The following JMJD1C variants were observed in gnomAD, a reference collection of about 807,000 sequenced individuals.
JMJD1C encodes jumonji domain containing 1C.
JMJD1C carries 31 observed loss-of-function variants against 245.3 expected under a neutral mutation model. The observed-to-expected ratio is 0.13, with a 90% CI of 0.09 to 0.17. The LOEUF (loss-of-function observed/expected upper bound fraction) is 0.17, where lower values mean the gene tolerates loss of function less well. Among genes scored for constraint, JMJD1C ranks in the 10% least tolerant of loss-of-function variants. The pLI is 1.00. For synonymous variants in JMJD1C, 1,057 were observed against 1,017.4 expected, an observed-to-expected ratio of 1.04 and a Z score of -0.74; for missense variants, 2,691 against 3,000.2, an observed-to-expected ratio of 0.90 and a Z score of 2.41.
intron 2 of JMJD1C, among the ~76,000 whole-genome samples, chr10:63,343,999 C>A (rs1943597613): frequency 6.6e-6 from 1 of 152,120 alleles, no homozygotes; most frequent in African/African-American, 2.4e-5. Context: ...GACAGCAACA[C>A]TACACTCCAG....
intron 1 of JMJD1C, among the ~76,000 whole-genome samples, chr10:63,413,915 G>A (rs1393618156): frequency 6.6e-6 from 1 of 151,068 alleles, no homozygotes; most frequent in Admixed American, 6.6e-5. Context: ...AAGAGTAACT[G>A]ATACTGAAAG....
At chr10:63,336,123 A>C (rs1157134074) in intron 2 of JMJD1C, among the ~76,000 whole-genome samples, 6 of 152,092 alleles carry the variant, frequency 3.9e-5, no homozygotes, top group Non-Finnish European at 8.8e-5. Context: ...CCTGTCTCAA[A>C]AAAAATAAGA....
At chr10:63,310,507 G>A (rs1939030899) in intron 2 of JMJD1C, among the ~76,000 whole-genome samples, 1 of 152,228 alleles carries the variant, frequency 6.6e-6, no homozygotes, top group Admixed American at 6.5e-5. Context: ...AAGAGGTGGT[G>A]TTAGATTACT....
At chr10:63,389,607 C>A (rs1947894294) in intron 1 of JMJD1C, among the ~76,000 whole-genome samples, 1 of 151,838 alleles carries the variant, frequency 6.6e-6, no homozygotes, top group Admixed American at 6.6e-5. Context: ...ATTCTTCTCA[C>A]CAGCAAATGG....
intron 1 of JMJD1C, among the ~76,000 whole-genome samples, chr10:63,517,512 AATAC>A (rs1288319077): frequency 6.6e-6 from 1 of 152,190 alleles, no homozygotes; most frequent in African/African-American, 2.4e-5. Context: ...CTTTGCCCTA[AATAC>A]ATTGCCTTCC....
At chr10:63,476,887 A>G (rs915057430) in intron 1 of JMJD1C, among the ~76,000 whole-genome samples, 1 of 152,188 alleles carries the variant, frequency 6.6e-6, no homozygotes, top group African/African-American at 2.4e-5. Context: ...AAATCTCTAG[A>G]CAAGGAAGAG....
Position 63,465,767 on chromosome 10 carries a change from C to T in JMJD1C, c.-105G>A. The T allele has an allele frequency of 7.3e-7, 1 of 1,360,894 alleles. No individual in the cohort carries two copies. Among genetic ancestry groups the T allele is most frequent in the South Asian group, 1.2e-5 (1 of 82,682 alleles). 84.3% of individuals were successfully genotyped at this position (1,360,894 alleles called of 1,614,324 possible). On this transcript the variant is annotated 5_prime_UTR_variant, in exon 1 of 26. Transcript: ENST00000399262. ...CTGAGGAGAGCGGACCGGGACACAG[C>T]AGCGGACCCGAAAGAGCGCAGACTC...
intron 14 of JMJD1C, 100 bp from the exon 15 acceptor site, chr10:63,193,572 G>T: frequency 1.4e-6 from 1 of 729,450 alleles, no homozygotes; most frequent in Non-Finnish European, 2.1e-6. Context: ...GGGAATAACG[G>T]AGGTTTTCTT....
chr10:63,493,420 T>C (rs1325050555), intron 1 of JMJD1C, among the ~76,000 whole-genome samples: 1 of 151,814 alleles, frequency 6.6e-6, no homozygotes, highest in East Asian at 1.9e-4. Context: ...TAGCTGCGAT[T>C]ATAGGCGTCA....
At chr10:63,193,204 A>G (rs1284085301) in intron 15 of JMJD1C, 53 bp from the exon 16 acceptor site, 2 of 1,516,010 alleles carry the variant, frequency 1.3e-6, no homozygotes, top group Admixed American at 1.7e-5. Context: ...TAATTCAATT[A>G]GTAGTATAGA....
At chr10:63,321,882 A>C (rs1940913911) in intron 2 of JMJD1C, among the ~76,000 whole-genome samples, 1 of 152,188 alleles carries the variant, frequency 6.6e-6, no homozygotes, top group Non-Finnish European at 1.5e-5. Context: ...TCCACACACC[A>C]GTTCAAAACA....
At chr10:63,352,615 G>A (rs1319490804) in intron 2 of JMJD1C, among the ~76,000 whole-genome samples, 1 of 146,326 alleles carries the variant, frequency 6.8e-6, no homozygotes, top group Non-Finnish European at 1.5e-5. Flanking sequence ...TCCAGCTTGG[G>A]TGATGGAGTG....
chr10:63,222,506 G>C, intron 3 of JMJD1C: 1 of 1,205,238 alleles, frequency 8.3e-7, no homozygotes. Context: ...ACTTGATTTT[G>C]ACTGACTGCA....
intron 2 of JMJD1C, among the ~76,000 whole-genome samples, chr10:63,265,843 C>A (rs1006011492): frequency 3.3e-5 from 5 of 152,090 alleles, no homozygotes; most frequent in Admixed American, 2.6e-4. Context: ...ATAGACAGTA[C>A]AAATTACCAG....
chr10:63,494,683 C>T (rs1216868997), intron 1 of JMJD1C, among the ~76,000 whole-genome samples: 1 of 152,146 alleles, frequency 6.6e-6, no homozygotes, highest in African/African-American at 2.4e-5. Context: ...TGGACAAATG[C>T]ACAAAAGTAC....
At chr10:63,495,484 T>C (rs867826829) in intron 1 of JMJD1C, among the ~76,000 whole-genome samples, 1 of 151,616 alleles carries the variant, frequency 6.6e-6, no homozygotes, top group South Asian at 2.1e-4. Flanking sequence ...AGTTTGAAAA[T>C]TGATAGGCTG....
intron 1 of JMJD1C, chr10:63,521,234 C>A (rs7075901): frequency 0.42 from 63,622 of 151,628 alleles, 14,087 homozygotes; most frequent in South Asian, 0.53. Context: ...GCCCTGGAGC[C>A]CGGCCGCCTG....
At chr10:63,194,510 A>C (rs1845220901) in intron 13 of JMJD1C, 135 bp from the exon 14 acceptor site, 1 of 563,172 alleles carries the variant, frequency 1.8e-6, no homozygotes, top group African/African-American at 1.9e-5. Context: ...GAAAAAAATA[A>C]AAATAATGAA....
At chr10:63,293,419 T>A (rs1859011480) in intron 2 of JMJD1C, among the ~76,000 whole-genome samples, 1 of 152,186 alleles carries the variant, frequency 6.6e-6, no homozygotes, top group Admixed American at 6.5e-5. Flanking sequence ...ATCAGACCTC[T>A]CCTACTTCTT....
Sources: gnomAD v4.1 joint callset for allele counts (sites outside exome capture counted in the v4.1 genomes callset) on GRCh38, gnomAD v4.1.1 for gene constraint, MANE v1.5 for transcripts, NCBI Gene and HGNC (gene_info 2026-07-23, HGNC 2026-07-21) for gene names.